Variants in PLG observed in about 807,000 individuals in gnomAD.
PLG encodes the protein plasminogen.
A neutral mutation model predicts 104.4 loss-of-function variants in PLG; 41 were observed. The observed-to-expected ratio is 0.39, with a 90% CI of 0.31 to 0.51. PLG has a LOEUF of 0.51. Among genes scored for constraint, PLG ranks in the 20% least tolerant of loss-of-function variants. PLG has a pLI of 0.76. For missense variants in PLG, 891 were observed against 1,003.6 expected, an observed-to-expected ratio of 0.89 and a Z score of 1.52; for synonymous variants, 337 against 357.1, an observed-to-expected ratio of 0.94 and a Z score of 0.63.
rs770198253 is a variant in PLG, at chr6:160,713,018, T to C, written c.440T>C (p.Leu147Pro). The C allele has an allele frequency of 6.2e-7, 1 of 1,608,004 alleles. No homozygotes were observed. The highest frequency in any genetic ancestry group is 8.5e-7 in the Non-Finnish European group (1 of 1,176,214). The change falls in exon 5 of 19, where the codon CTG (leucine) becomes CCG (proline). Residue 147 changes from leucine (L) to proline (P), a missense_variant. Transcript: ENST00000308192. Reference sequence around the variant, plus strand: ...CCTGCTACACACCCCTCAGAGGGACTGGAGGAGAACTACTGCAGGAATCCA... The same window carrying C: ...CCTGCTACACACCCCTCAGAGGGACCGGAGGAGAACTACTGCAGGAATCCA... ...FSPATHPSEGLEENYCRNPDN... is the reference protein window; with the variant it reads ...FSPATHPSEGPEENYCRNPDN...
chr6:160,741,369 G>A lies in PLG; in HGVS notation c.2077G>A (p.Val693Ile). 6.2e-7 allele frequency: 1 copy of A among 1,613,740 alleles called. No individual in the cohort carries two copies. Among genetic ancestry groups the A allele is most frequent in the East Asian group, 2.2e-5 (1 of 44,880 alleles). ...PACLPSPNYV[V>I]ADRTECFITG... ...TTGTCTGCCATCCCCAAATTATGTG[G>A]TCGCTGACCGGACCGAATGTTTCAT... The change falls in exon 17 of 19, where the codon GTC (valine) becomes ATC (isoleucine). Residue 693 changes from valine (V) to isoleucine (I), a missense_variant. This residue lies in a region of PLG where 854 missense variants were observed against 932.1 expected (regional missense o/e 0.92). Transcript: ENST00000308192. This position sits in a 1 kb window ranked among gnomAD's most constrained non-coding sequence, Gnocchi z 4.7.
chr6:160,721,816 A>G (rs1404847133), intron 9 of PLG, among the ~76,000 whole-genome samples: 2 of 152,278 alleles, frequency 1.3e-5, no homozygotes, highest in East Asian at 1.9e-4. Context: ...GGAAAGAAAG[A>G]GTAGTAGGCT....
In PLG at chr6:160,741,533, C is replaced by A; in HGVS notation, c.2125+116C>A. ...TCCTATCCATGAATGTGGTCCACCC[C>A]ACTCCTGATTTTGCCTGGGCACCTG... On this transcript the variant is annotated intron_variant, in intron 17 of 18. Transcript: ENST00000308192. The surrounding 1 kb of genome is among the most constrained non-coding windows in gnomAD (Gnocchi z 4.7). The A allele has an allele frequency of 3.9e-6, 3 of 767,388 alleles. No individual in the cohort carries two copies. Among genetic ancestry groups the A allele is most frequent in the Non-Finnish European group, 6.9e-6 (3 of 432,250 alleles). 47.5% of individuals were successfully genotyped at this position (767,388 alleles called of 1,614,324 possible).
chr6:160,745,280 G>A (rs778556394), intron 17 of PLG, among the ~76,000 whole-genome samples: 4 of 152,190 alleles, frequency 2.6e-5, no homozygotes, highest in Non-Finnish European at 5.9e-5. Context: ...TATTTTGTGG[G>A]CGTCTAAGTC....
rs1007789492 is a variant in PLG at position 160,739,281 on chromosome 6, T to G, written c.2018+73T>G. The G allele has an allele frequency of 2.5e-6, 4 of 1,591,348 alleles. No homozygotes were observed. The highest frequency in any genetic ancestry group is 3.4e-6 in the Non-Finnish European group (4 of 1,159,724). ...CTTTATGTCTGGGTTTTATGGGCCA[T>G]GGCCACTGCATGGCAGTGGGGAGGA... On this transcript the variant is annotated intron_variant, in intron 16 of 18. Coordinates refer to ENST00000308192, the MANE Select transcript of PLG (RefSeq NM_000301.5). This position sits in a 1 kb window ranked among gnomAD's most constrained non-coding sequence, Gnocchi z 4.4.
At chr6:160,748,411 AGAAAGG>A (rs1778328688) in intron 17 of PLG, among the ~76,000 whole-genome samples, 1 of 52,544 alleles carries the variant, frequency 1.9e-5, no homozygotes, top group Non-Finnish European at 3.8e-5. Flanking sequence ...GAAGAAAGAA[AGAAAGG>A]GAAAGAAAGA....
At chr6:160,712,545 A>C (rs1187595263) in intron 4 of PLG, among the ~76,000 whole-genome samples, 1 of 152,182 alleles carries the variant, frequency 6.6e-6, no homozygotes, top group Non-Finnish European at 1.5e-5. Context: ...ACCTTCCTCA[A>C]ATGGTTTTAT....
Position 160,731,269 on chromosome 6 carries a change from C to T in PLG, c.1438+37C>T, listed in dbSNP as rs1029045554. 9.8e-6 allele frequency: 15 copies of T among 1,537,444 alleles called. No homozygotes were observed. The highest frequency in any genetic ancestry group is 8.2e-5 in the African/African-American group (6 of 73,502). On this transcript the variant is annotated intron_variant, in intron 11 of 18. Coordinates refer to ENST00000308192, the MANE Select transcript of PLG (RefSeq NM_000301.5). The surrounding 1 kb of genome is among the most constrained non-coding windows in gnomAD (Gnocchi z 5.1). The stretch of plus-strand genomic sequence containing the variant: ...GTGGCTGGACATCTACACACTTGGA[C>T]GCTGGGATGAAAAGCCATGGAAAAT...
In PLG at chr6:160,738,625, G is replaced by A. The variant is rs746700133; in HGVS notation, c.1877+13G>A. ...ACTGCTTGGAGAAGTATGTTTAGGG[G>A]ACAATTGACATGAAGTCTTGTCTTA... is the stretch of plus-strand genomic sequence containing the variant. On this transcript the variant is annotated intron_variant, in intron 15 of 18. Coordinates refer to ENST00000308192, the MANE Select transcript of PLG (RefSeq NM_000301.5). The surrounding 1 kb of genome is among the most constrained non-coding windows in gnomAD (Gnocchi z 6.8). The A allele has an allele frequency of 6.5e-7, 1 of 1,532,770 alleles. No homozygotes were observed. The highest frequency in any genetic ancestry group is 9.0e-7 in the Non-Finnish European group (1 of 1,105,586). The allele number at this position is 1,532,770 out of a possible 1,614,324, so 94.9% of individuals were successfully genotyped here.
rs1210482855 is a variant in PLG at position 160,738,576 on chromosome 6, C to T, written c.1841C>T (p.Pro614Leu). 3 of 1,612,046 alleles carry T rather than the reference C, an allele frequency of 1.9e-6. No individual in the cohort carries two copies. The East Asian group carries it at 6.7e-5, about 36-fold the overall frequency. ...TTCTGTGGAGGCACCTTGATATCCC[C>T]AGAGTGGGTGTTGACTGCTGCCCAC... ...MHFCGGTLISPEWVLTAAHCL... is the reference protein window; with the variant it reads ...MHFCGGTLISLEWVLTAAHCL... Residue 614 changes from proline (P) to leucine (L), a missense_variant, in exon 15 of 19, where the codon CCA becomes CTA. Pro to Leu is a moderately conservative substitution (Grantham distance 98). This residue lies in a region of PLG where 854 missense variants were observed against 932.1 expected (regional missense o/e 0.92). Coordinates refer to ENST00000308192, the MANE Select transcript of PLG (RefSeq NM_000301.5). The surrounding 1 kb of genome is among the most constrained non-coding windows in gnomAD (Gnocchi z 6.8).
rs746025257 is a variant in PLG, at chr6:160,752,096, T to C, written c.2126-19T>C. 1.3e-5 allele frequency: 21 copies of C among 1,611,694 alleles called. No homozygotes were observed. In the South Asian group the frequency reaches 2.3e-4, roughly 18 times the overall value. On this transcript the variant is annotated intron_variant, in intron 17 of 18. Transcript: ENST00000308192. The surrounding 1 kb of genome is among the most constrained non-coding windows in gnomAD (Gnocchi z 4.7). ...TGTTTTGGGTGCAGTTGCCATTTCT[T>C]TCATCTTTTTAAACACAGGTACTTT... is the stretch of plus-strand genomic sequence containing the variant.
chr6:160,715,924 G>A (rs998065359), intron 6 of PLG, among the ~76,000 whole-genome samples: 3 of 152,176 alleles, frequency 2.0e-5, no homozygotes, highest in Non-Finnish European at 2.9e-5. Flanking sequence ...ATGAATAAAC[G>A]CAGAGGGCCA....
chr6:160,753,836 G>GT lies in PLG; in HGVS notation c.*775_*776insT. Among the ~76,000 whole-genome samples the GT allele has an allele frequency of 6.6e-6, 1 of 152,240 alleles. No homozygotes were observed. The highest frequency in any genetic ancestry group is 2.1e-4 in the South Asian group (1 of 4,822). On this transcript the variant is annotated 3_prime_UTR_variant, in exon 19 of 19. Transcript: ENST00000308192. The surrounding 1 kb of genome is among the most constrained non-coding windows in gnomAD (Gnocchi z 5.4). ...TTTTGAAACAGTCTGCAGTACACAC[G>GT]GTCACAGGAGAATGACCTGTGGGAG...
chr6:160,728,847 A>G (rs1777956982), intron 10 of PLG, among the ~76,000 whole-genome samples: 1 of 152,212 alleles, frequency 6.6e-6, no homozygotes, highest in Non-Finnish European at 1.5e-5. Context: ...TGAGGAAGGC[A>G]AAATTTTTTT....
rs1297011266 is a variant in PLG, at chr6:160,715,950, A to T, written c.669-695A>T. 2.0e-5 allele frequency among the ~76,000 whole-genome samples: 3 copies of T among 152,360 alleles called. No homozygotes were observed. In the East Asian group the frequency reaches 5.8e-4, roughly 29 times the overall value. On this transcript the variant is annotated intron_variant, in intron 6 of 18. Coordinates refer to ENST00000308192, the MANE Select transcript of PLG (RefSeq NM_000301.5). ...CAGAGGGCCACCAGGCATGGAGTGC[A>T]TCCAACAGCCCTGGCCACTGGGCCC...
intron 17 of PLG, among the ~76,000 whole-genome samples, chr6:160,749,427 C>T (rs1302414368): frequency 3.3e-5 from 5 of 150,718 alleles, no homozygotes; most frequent in African/African-American, 4.9e-5. Context: ...CCACTACCAA[C>T]ACCATCACTC....
rs1777784187 is a variant in PLG, at chr6:160,718,697, T to G, written c.955T>G (p.Leu319Val). ...RTPENFPCKN[L>V]DENYCRNPDG... ...TCACAATCACTTCTTTTTCAGAAAT[T>G]TGGATGAAAACTACTGCCGCAATCC... is the stretch of plus-strand genomic sequence containing the variant. The change falls in exon 9 of 19, where the codon TTG (leucine) becomes GTG (valine). Residue 319 changes from leucine to valine, a missense_variant. Physicochemically the swap from Leu to Val is conservative, Grantham distance 32. Coordinates refer to ENST00000308192, the MANE Select transcript of PLG (RefSeq NM_000301.5). 2 of 1,613,922 alleles carry G rather than the reference T, an allele frequency of 1.2e-6. No individual in the cohort carries two copies. Among genetic ancestry groups the G allele is most frequent in the Non-Finnish European group, 1.7e-6 (2 of 1,179,954 alleles).
chr6:160,715,962 T>C (rs1777721552), intron 6 of PLG, among the ~76,000 whole-genome samples: 1 of 152,248 alleles, frequency 6.6e-6, no homozygotes, highest in Non-Finnish European at 1.5e-5. Flanking sequence ...CCAACAGCCC[T>C]GGCCACTGGG....
rs975729971 is a variant in PLG at position 160,741,529 on chromosome 6, A to C, written c.2125+112A>C. The stretch of plus-strand genomic sequence containing the variant: ...AAATTCCTATCCATGAATGTGGTCC[A>C]CCCCACTCCTGATTTTGCCTGGGCA... On this transcript the variant is annotated intron_variant, in intron 17 of 18. Coordinates refer to ENST00000308192, the MANE Select transcript of PLG (RefSeq NM_000301.5). The surrounding 1 kb of genome is among the most constrained non-coding windows in gnomAD (Gnocchi z 4.7). 1.3e-5 allele frequency: 10 copies of C among 775,010 alleles called. No individual in the cohort carries two copies. The African/African-American group carries it at 1.5e-4, about 12-fold the overall frequency. 48.0% of individuals were successfully genotyped at this position (775,010 alleles called of 1,614,324 possible). A position where few individuals can be genotyped will look rare whatever the true frequency, so the allele number is the denominator to read the frequency against.
Sources: gnomAD v4.1 joint callset for allele counts (sites outside exome capture counted in the v4.1 genomes callset) on GRCh38, gnomAD v4.1.1 for gene constraint, gnomAD v4.1.1 regional missense constraint, Gnocchi (gnomAD v3.1) non-coding constraint, MANE v1.5 for transcripts, NCBI Gene and HGNC (gene_info 2026-07-23, HGNC 2026-07-21) for gene names.